VWA8: variants seen among roughly 807,000 people sequenced by gnomAD.
VWA8 encodes the protein von Willebrand factor A domain-containing protein 8.
VWA8 carries 221 observed loss-of-function variants against 241.5 expected under a neutral mutation model. The observed-to-expected ratio is 0.91, with a 90% CI of 0.82 to 1.02. VWA8 has a LOEUF of 1.02. VWA8 is among the 50% of genes least tolerant of loss of function. The probability of loss-of-function intolerance (pLI) is 0.00; values close to 1 mark genes in which losing one functional copy is unlikely to be tolerated. For missense variants in VWA8, 2,322 were observed against 2,328.7 expected (o/e 1.00, Z 0.06); for synonymous variants, 852 against 827.1 (o/e 1.03, Z -0.52).
In VWA8 at chr13:41,570,689, A is replaced by C. The variant is rs570129502; in HGVS notation, c.5388T>G (p.Ser1796=). 1.9e-6 allele frequency: 3 copies of C among 1,613,878 alleles called. 1 individual carries two copies. Among genetic ancestry groups the C allele is most frequent in the South Asian group, 2.2e-5 (2 of 91,068 alleles). Residue 1796 remains serine (S), a synonymous_variant, in exon 44 of 45, where the codon TCT becomes TCG. Coordinates refer to ENST00000379310, the MANE Select transcript of VWA8 (RefSeq NM_015058.2). ...TGTGGTCCCCACTCATGCAGAACTG[A>C]GAGTGGGCATGCATTGTCTGGAGGT... The part of the protein sequence containing the change: ...LEILKTMHAH[S]QFCMSGDHTL...
In VWA8 at chr13:41,885,945, C is replaced by T; in HGVS notation, c.950G>A (p.Ser317Asn). 1 of 1,598,222 alleles carries T rather than the reference C, an allele frequency of 6.3e-7. No individual in the cohort carries two copies. Among genetic ancestry groups the T allele is most frequent in the Non-Finnish European group, 8.5e-7 (1 of 1,175,646 alleles). Residue 317 changes from serine (S) to asparagine (N), a missense_variant, in exon 8 of 45, where the codon AGT (serine) becomes AAT (asparagine). Ser to Asn is a conservative substitution (Grantham distance 46). Transcript: ENST00000379310. ...CAAGATTTGAACCGCAGCTGCTAAA[C>T]TATCTAAAGGAAAGTCTGGAAGTCC... ...TLGLPDFPLD[S>N]LAAAVQILDS...
At chr13:41,860,380 C>T (rs1046137721) in intron 12 of VWA8, among the ~76,000 whole-genome samples, 45 of 152,194 alleles carry the variant, frequency 3.0e-4, no homozygotes, top group Admixed American at 1.7e-3. Context: ...AATGTTTTTA[C>T]GGGAAACTTA....
At chr13:41,671,845 A>G (rs1301926495) in intron 36 of VWA8, among the ~76,000 whole-genome samples, 1 of 152,204 alleles carries the variant, frequency 6.6e-6, no homozygotes, top group African/African-American at 2.4e-5. Context: ...CCCAGCCTCC[A>G]GACTGAAAAT....
chr13:41,749,816 T>A (rs1464440230), intron 21 of VWA8, among the ~76,000 whole-genome samples: 1 of 146,386 alleles, frequency 6.8e-6, no homozygotes, highest in Non-Finnish European at 1.5e-5. Flanking sequence ...GTGGTGGGAA[T>A]TGAGTAATGA....
At chr13:41,857,253 TA>T (rs1244634873) in intron 12 of VWA8, among the ~76,000 whole-genome samples, 2 of 152,346 alleles carry the variant, frequency 1.3e-5, no homozygotes, top group African/African-American at 4.8e-5. Context: ...TTTCATTATT[TA>T]TTTTTAAAAA....
At chr13:41,773,565 A>G (rs1226524768) in intron 20 of VWA8, among the ~76,000 whole-genome samples, 1 of 152,206 alleles carries the variant, frequency 6.6e-6, no homozygotes, top group Non-Finnish European at 1.5e-5. Context: ...GTCAAGGAAT[A>G]CTACAGGTGG....
Position 41,699,195 on chromosome 13 carries a change from C to T in VWA8, c.3440G>A (p.Ser1147Asn). 6.2e-7 allele frequency: 1 copy of T among 1,614,200 alleles called. No homozygotes were observed. The change falls in exon 29 of 45, where the codon AGT becomes AAT. Residue 1147 changes from serine to asparagine, a missense_variant. Transcript: ENST00000379310. ...SLYFMNMTGK[S>N]GFFVDFFDIF... ...ATCAAAAAAGTCCACAAAGAAGCCA[C>T]TTTTCCCAGTCATATTCATAAAGTA...
At chr13:41,594,486 A>G (rs1225047358) in intron 40 of VWA8, among the ~76,000 whole-genome samples, 1 of 152,148 alleles carries the variant, frequency 6.6e-6, no homozygotes, top group African/African-American at 2.4e-5. Context: ...ATCTTACCAC[A>G]GAGAAAATAA....
chr13:41,866,057 A>G (rs1873283886), intron 10 of VWA8, 21 bp from the exon 11 acceptor site: 7 of 1,611,564 alleles, frequency 4.3e-6, no homozygotes, highest in South Asian at 2.2e-5. Flanking sequence ...AGAGAGGTCA[A>G]TATAACATGG....
intron 1 of VWA8, among the ~76,000 whole-genome samples, chr13:41,958,225 G>A (rs1878434911): frequency 6.6e-6 from 1 of 152,126 alleles, no homozygotes; most frequent in South Asian, 2.1e-4. Flanking sequence ...GCTTAACAAA[G>A]GTCCTCTCTT....
At chr13:41,692,733 C>T in intron 30 of VWA8, 129 bp downstream of exon 30, 2 of 616,842 alleles carry the variant, frequency 3.2e-6, no homozygotes, top group Non-Finnish European at 5.7e-6. Flanking sequence ...TCTATACGTG[C>T]ATAACAGGAA....
chr13:41,958,592 T>C (rs1566052355), intron 1 of VWA8, among the ~76,000 whole-genome samples: 1 of 152,220 alleles, frequency 6.6e-6, no homozygotes, highest in Non-Finnish European at 1.5e-5. Flanking sequence ...TGATCTCTGA[T>C]TCAAAATGGG....
At chr13:41,890,450 A>G (rs1874779718) in intron 5 of VWA8, among the ~76,000 whole-genome samples, 1 of 152,236 alleles carries the variant, frequency 6.6e-6, no homozygotes, top group Non-Finnish European at 1.5e-5. Flanking sequence ...GAGCTGGATG[A>G]ACAAGGGCTA....
intron 21 of VWA8, among the ~76,000 whole-genome samples, chr13:41,743,297 G>A (rs1221783292): frequency 1.3e-5 from 2 of 152,192 alleles, no homozygotes. Flanking sequence ...AATAGTTCAG[G>A]CAAGAAAAGA....
Position 41,572,797 on chromosome 13 carries a change from TAAAAAAAAAAAA to T in VWA8, c.5371-2103_5371-2092del, listed in dbSNP as rs869088660. Among the ~76,000 whole-genome samples, 36 of 67,788 alleles carry T rather than the reference TAAAAAAAAAAAA, an allele frequency of 5.3e-4. No homozygotes were observed. The South Asian group carries it at 0.015, about 29-fold the overall frequency. 44.5% of individuals were successfully genotyped at this position (67,788 alleles called of 152,430 possible). A position where few individuals can be genotyped will look rare whatever the true frequency, so the allele number is the denominator to read the frequency against. On this transcript the variant is annotated intron_variant, in intron 43 of 44. Coordinates refer to ENST00000379310, the MANE Select transcript of VWA8 (RefSeq NM_015058.2). ...ACACCCAAGAATGATCAATAAATAC[TAAAAAAAAAAAA>T]AAAAAAAAAAAAGAAACAGGCCGGG...
At position 41,777,996 on chromosome 13, in the gene VWA8, C is replaced by G. The variant is rs1566453364; in HGVS notation, c.2338G>C (p.Val780Leu). The G allele has an allele frequency of 3.1e-6, 5 of 1,609,808 alleles. No individual in the cohort carries two copies. Among genetic ancestry groups the G allele is most frequent in the Non-Finnish European group, 3.4e-6 (4 of 1,178,588 alleles). The change falls in exon 20 of 45, where the codon GTT (valine) becomes CTT (leucine). Residue 780 changes from valine to leucine, a missense_variant. Val to Leu is a conservative substitution (Grantham distance 32). Transcript: ENST00000379310. Reference sequence around the variant, plus strand: ...TAGCCATAACTCACCTGGTTGCCAACCAATAATAAGTGTTCTCCAAGGAGA... The same window carrying G: ...TAGCCATAACTCACCTGGTTGCCAAGCAATAATAAGTGTTCTCCAAGGAGA... ...DFLLGEHLLLVGNQGVGKNKI... is the reference protein window; with the variant it reads ...DFLLGEHLLLLGNQGVGKNKI...
chr13:41,573,610 C>CATATATATAT (rs1239166610), intron 43 of VWA8, among the ~76,000 whole-genome samples: 4 of 140,188 alleles, frequency 2.9e-5, no homozygotes, highest in South Asian at 2.2e-4. Context: ...TATATATACG[C>CATATATATAT]ATATATATGG....
At chr13:41,784,737 C>CATATATATATATATATATATATATATAT (rs772223346) in intron 18 of VWA8, among the ~76,000 whole-genome samples, 1 of 72,580 alleles carries the variant, frequency 1.4e-5, no homozygotes, top group African/African-American at 4.5e-5. Flanking sequence ...TATACACACA[C>CATATATATATATATATATATATATATAT]ATATATATAT....
At chr13:41,755,533 A>T (rs2045688395) in intron 21 of VWA8, among the ~76,000 whole-genome samples, 1 of 151,926 alleles carries the variant, frequency 6.6e-6, no homozygotes, top group East Asian at 1.9e-4. Flanking sequence ...TTTTTCATAG[A>T]TAACATATCT....
Sources: allele counts gnomAD v4.1 joint callset (sites outside exome capture counted in the v4.1 genomes callset), GRCh38; gene constraint gnomAD v4.1.1; transcripts MANE v1.5; gene names NCBI Gene and HGNC (gene_info 2026-07-23, HGNC 2026-07-21).